The following AGBL4 variants were observed in gnomAD, a reference collection of about 807,000 sequenced individuals.
The protein encoded by AGBL4 is AGBL carboxypeptidase 4.
Under a neutral mutation model 66.4 loss-of-function variants are expected in AGBL4, and 58 were observed. The ratio of observed to expected loss-of-function variants is 0.87; its 90% confidence interval spans 0.71 to 1.09. AGBL4 has a LOEUF of 1.09. Among genes scored for constraint, AGBL4 ranks in the 50% least tolerant of loss-of-function variants. The probability of loss-of-function intolerance (pLI) is 0.00; values close to 1 mark genes in which losing one functional copy is unlikely to be tolerated. For synonymous variants in AGBL4, 234 were observed against 222.9 expected (o/e 1.05, Z -0.44); for missense variants, 579 against 631.0 (o/e 0.92, Z 0.88).
intron 1 of AGBL4, among the ~76,000 whole-genome samples, chr1:49,998,779 A>T (rs1241644974): frequency 6.6e-6 from 1 of 152,240 alleles, no homozygotes; most frequent in Non-Finnish European, 1.5e-5. Flanking sequence ...ATGGTTTAAC[A>T]TATGCAAGTC....
chr1:49,409,479 T>G (rs2148624650), intron 3 of AGBL4, among the ~76,000 whole-genome samples: 1 of 152,168 alleles, frequency 6.6e-6, no homozygotes, highest in South Asian at 2.1e-4. Flanking sequence ...GTATATAATT[T>G]GTATTAAGCT....
chr1:48,918,080 TA>T (rs1392937416), intron 5 of AGBL4, among the ~76,000 whole-genome samples: 1 of 152,248 alleles, frequency 6.6e-6, no homozygotes, highest in African/African-American at 2.4e-5. Context: ...GCCTGGGAGA[TA>T]AACAGATCAA....
chr1:49,262,247 T>C (rs1267024369), intron 3 of AGBL4, among the ~76,000 whole-genome samples: 1 of 152,154 alleles, frequency 6.6e-6, no homozygotes, highest in Non-Finnish European at 1.5e-5. Flanking sequence ...GACATAGGCA[T>C]GGGCAAGGAC....
chr1:49,084,487 CA>C (rs1204759878), intron 4 of AGBL4, among the ~76,000 whole-genome samples: 1 of 152,122 alleles, frequency 6.6e-6, no homozygotes, highest in Non-Finnish European at 1.5e-5. Flanking sequence ...AGTGCTTGTT[CA>C]GGGGAGCTCC....
intron 5 of AGBL4, among the ~76,000 whole-genome samples, chr1:49,044,254 T>C (rs953576263): frequency 6.6e-6 from 1 of 151,956 alleles, no homozygotes; most frequent in Non-Finnish European, 1.5e-5. Flanking sequence ...TCCCAGCACT[T>C]TGGGAGGCCG....
intron 6 of AGBL4, among the ~76,000 whole-genome samples, chr1:48,840,782 T>C (rs1469367496): frequency 6.6e-6 from 1 of 152,202 alleles, no homozygotes; most frequent in African/African-American, 2.4e-5. Context: ...AAAAAACTTA[T>C]GTTCACACAA....
At chr1:48,795,113 C>T (rs1645640131) in intron 6 of AGBL4, among the ~76,000 whole-genome samples, 1 of 152,168 alleles carries the variant, frequency 6.6e-6, no homozygotes. Context: ...TCCACTATAT[C>T]CTAGTTCAAT....
chr1:48,812,677 A>C (rs1317328769), intron 6 of AGBL4, among the ~76,000 whole-genome samples: 1 of 152,192 alleles, frequency 6.6e-6, no homozygotes, highest in Non-Finnish European at 1.5e-5. Context: ...TTATTGCGGC[A>C]CTATTCACAA....
At chr1:49,913,343 T>C (rs1421053609) in intron 1 of AGBL4, among the ~76,000 whole-genome samples, 1 of 152,246 alleles carries the variant, frequency 6.6e-6, no homozygotes, top group Non-Finnish European at 1.5e-5. Flanking sequence ...AGGGTAACAA[T>C]GTCCATGTAG....
At chr1:49,398,155 C>T (rs1359381124) in intron 3 of AGBL4, among the ~76,000 whole-genome samples, 1 of 152,138 alleles carries the variant, frequency 6.6e-6, no homozygotes, top group African/African-American at 2.4e-5. Flanking sequence ...GCTAGTAAAA[C>T]AGTATTTCTG....
chr1:49,003,591 T>C (rs1000891786), intron 5 of AGBL4, among the ~76,000 whole-genome samples: 1 of 152,156 alleles, frequency 6.6e-6, no homozygotes, highest in Non-Finnish European at 1.5e-5. Flanking sequence ...GTAGGCGTGA[T>C]CTCCCTCTCT....
chr1:49,476,406 A>ATTATTC (rs1646846114), intron 3 of AGBL4, among the ~76,000 whole-genome samples: 1 of 152,020 alleles, frequency 6.6e-6, no homozygotes, highest in Admixed American at 6.6e-5. Context: ...TATTCTGTAG[A>ATTATTC]TGTCTATTAG....
At chr1:48,918,818 T>TA (rs1446073572) in intron 5 of AGBL4, among the ~76,000 whole-genome samples, 1 of 152,212 alleles carries the variant, frequency 6.6e-6, no homozygotes, top group Non-Finnish European at 1.5e-5. Context: ...AGCACAGCTG[T>TA]ATACCAATTT....
intron 1 of AGBL4, among the ~76,000 whole-genome samples, chr1:49,980,517 C>T (rs1307039288): frequency 6.6e-6 from 1 of 152,092 alleles, no homozygotes; most frequent in African/African-American, 2.4e-5. Context: ...TGGAATCATA[C>T]AGTATTGTCT....
chr1:49,948,181 TATATATAAATATATATAAATATAA>T (rs1557608785), intron 1 of AGBL4, among the ~76,000 whole-genome samples: 5 of 96,746 alleles, frequency 5.2e-5, no homozygotes, highest in East Asian at 7.0e-4. Context: ...TATATATAAC[TATATATAAATATATATAAATATAA>T]ATATATAAAT....
chr1:48,618,052 G>C lies in AGBL4; in HGVS notation c.951+16441C>G, dbSNP rs142427127. On this transcript the variant is annotated intron_variant, in intron 9 of 13. Transcript: ENST00000371839. ...TTGGGAAAGTTACTTAATAACTTTAGGTCTTAGTTTCCCCATCTGTAAAAC... is the reference window on the plus strand; with the variant it reads ...TTGGGAAAGTTACTTAATAACTTTACGTCTTAGTTTCCCCATCTGTAAAAC... Among the ~76,000 whole-genome samples, 480 of 152,166 alleles carry C rather than the reference G, an allele frequency of 3.2e-3. 4 individuals carry two copies. Among genetic ancestry groups the C allele is most frequent in the African/African-American group, 0.011 (463 of 41,528 alleles).
At chr1:48,558,848 GT>G (rs1353155722) in intron 11 of AGBL4, among the ~76,000 whole-genome samples, 1 of 152,130 alleles carries the variant, frequency 6.6e-6, no homozygotes, top group Non-Finnish European at 1.5e-5. Context: ...TTTGAGTTGG[GT>G]TTTCTGTCCC....
chr1:48,619,792 C>G (rs115268659), intron 9 of AGBL4, among the ~76,000 whole-genome samples: 3,529 of 152,254 alleles, frequency 0.023, 88 homozygotes, highest in African/African-American at 0.058. Flanking sequence ...TAGGATCAGC[C>G]GGTGGGGGCT....
At chr1:49,497,784 A>G (rs1647741508) in intron 3 of AGBL4, among the ~76,000 whole-genome samples, 1 of 152,020 alleles carries the variant, frequency 6.6e-6, no homozygotes, top group Admixed American at 6.6e-5. Flanking sequence ...TCATTACTAT[A>G]ACACATTTTA....
Sources: gnomAD v4.1 joint callset for allele counts (sites outside exome capture counted in the v4.1 genomes callset) on GRCh38, gnomAD v4.1.1 for gene constraint, MANE v1.5 for transcripts, NCBI Gene and HGNC (gene_info 2026-07-23, HGNC 2026-07-21) for gene names.